DENND1A: variants seen among roughly 807,000 people sequenced by gnomAD.
DENND1A encodes DENN domain containing 1A, also known as DENN domain-containing protein 1A.
A neutral mutation model predicts 113.7 loss-of-function variants in DENND1A; 51 were observed. The observed-to-expected ratio is 0.45, with a 90% CI of 0.36 to 0.57. DENND1A has a LOEUF of 0.57. Among genes scored for constraint, DENND1A ranks in the 20% least tolerant of loss-of-function variants. The pLI, the probability that DENND1A is intolerant of heterozygous loss-of-function variation, is 0.00. For missense variants in DENND1A, 1,258 were observed against 1,395.9 expected, an observed-to-expected ratio of 0.90 and a Z score of 1.57; for synonymous variants, 565 against 570.8, an observed-to-expected ratio of 0.99 and a Z score of 0.14.
intron 15 of DENND1A, among the ~76,000 whole-genome samples, chr9:123,455,434 C>T (rs2048043360): frequency 1.3e-5 from 2 of 152,264 alleles, no homozygotes; most frequent in Admixed American, 1.3e-4. Context: ...AACCAGCATC[C>T]TCGCAGGCCT....
At chr9:123,898,336 A>G (rs1851091376) in intron 1 of DENND1A, among the ~76,000 whole-genome samples, 1 of 151,580 alleles carries the variant, frequency 6.6e-6, no homozygotes, top group East Asian at 1.9e-4. Context: ...TTTATTTTTT[A>G]TTTTATTTTT....
rs2048002935 is a variant in DENND1A at position 123,454,908 on chromosome 9, T to A, written c.1187-129A>T. ...TGTCTCCCAGACTGGAGTGCAGTGG[T>A]GCGATCTCAGCTCCTGGGTTCAAGC... On this transcript the variant is annotated intron_variant, in intron 15 of 23. Coordinates refer to ENST00000394215, the MANE Select transcript of DENND1A (RefSeq NM_001352964.2). The A allele has an allele frequency of 2.0e-5, 16 of 806,078 alleles. No homozygotes were observed. The South Asian group carries it at 2.6e-4, about 13-fold the overall frequency. The allele number at this position is 806,078 out of a possible 1,614,324, so 49.9% of individuals were successfully genotyped here.
At chr9:123,547,972 G>A (rs1258660256) in intron 13 of DENND1A, among the ~76,000 whole-genome samples, 1 of 152,184 alleles carries the variant, frequency 6.6e-6, no homozygotes, top group Non-Finnish European at 1.5e-5. Flanking sequence ...TTTCTCAAGA[G>A]TCCTGCTAGC....
At chr9:123,556,657 G>A (rs534411692) in intron 13 of DENND1A, among the ~76,000 whole-genome samples, 1 of 152,198 alleles carries the variant, frequency 6.6e-6, no homozygotes, top group East Asian at 1.9e-4. Flanking sequence ...ACTAGGCTGG[G>A]TGTGACAGCG....
At chr9:123,482,884 G>A (rs183570915) in intron 13 of DENND1A, among the ~76,000 whole-genome samples, 140 of 152,312 alleles carry the variant, frequency 9.2e-4, no homozygotes, top group Non-Finnish European at 1.5e-3. Context: ...CAGAGGGGGA[G>A]GGGCTCCAAC....
At chr9:123,697,816 C>CT (rs962659415) in intron 5 of DENND1A, among the ~76,000 whole-genome samples, 2 of 152,250 alleles carry the variant, frequency 1.3e-5, no homozygotes, top group African/African-American at 4.8e-5. Context: ...AGCTGCTGTG[C>CT]TTTTTTGTTT....
At chr9:123,804,205 C>T (rs1185245745) in intron 2 of DENND1A, among the ~76,000 whole-genome samples, 1 of 152,232 alleles carries the variant, frequency 6.6e-6, no homozygotes, top group Non-Finnish European at 1.5e-5. Context: ...TGCACAAGCT[C>T]TGTCTTTGCC....
Position 123,586,775 on chromosome 9 carries a change from C to T in DENND1A, c.766-3505G>A, listed in dbSNP as rs372072507. ...TCAAACTGGGGGTGGGGACAGGAAG[C>T]GCGGATGAGAAGAAAGCCAGACCGT... On this transcript the variant is annotated intron_variant, in intron 11 of 23. Coordinates refer to ENST00000394215, the MANE Select transcript of DENND1A (RefSeq NM_001352964.2). Among the ~76,000 whole-genome samples, 40 of 152,208 alleles carry T rather than the reference C, an allele frequency of 2.6e-4. 2 individuals carry two copies. In the East Asian group the frequency reaches 5.4e-3, roughly 21 times the overall value.
At chr9:123,673,169 C>T (rs1589611236) in intron 6 of DENND1A, among the ~76,000 whole-genome samples, 1 of 152,252 alleles carries the variant, frequency 6.6e-6, no homozygotes, top group East Asian at 1.9e-4. Flanking sequence ...GATTAATTCA[C>T]TTGATATCTC....
At chr9:123,634,245 A>G (rs1297564964) in intron 9 of DENND1A, among the ~76,000 whole-genome samples, 1 of 152,238 alleles carries the variant, frequency 6.6e-6, no homozygotes, top group East Asian at 1.9e-4. Flanking sequence ...TCAAGCTTTT[A>G]AGGTGTTTGC....
chr9:123,929,761 GCCGGCGTC>G lies in DENND1A; in HGVS notation c.17+120_17+127del, dbSNP rs1481021627. On this transcript the variant is annotated intron_variant, in intron 1 of 23. Transcript: ENST00000394215. ...ATAGCAACCGTCCCCCTCCCCGCGTGCCGGCGTCACGCGGGGCGCCCCTCTGGTCTCGG... is the reference window on the plus strand; with the variant it reads ...ATAGCAACCGTCCCCCTCCCCGCGTGACGCGGGGCGCCCCTCTGGTCTCGG... 2.4e-5 allele frequency: 4 copies of G among 166,336 alleles called. No individual in the cohort carries two copies. In the East Asian group the frequency reaches 7.3e-4, roughly 30 times the overall value. 10.3% of individuals were successfully genotyped at this position (166,336 alleles called of 1,614,324 possible). A position where few individuals can be genotyped will look rare whatever the true frequency, so the allele number is the denominator to read the frequency against.
intron 2 of DENND1A, 26 bp downstream of exon 2, chr9:123,878,925 A>C (rs200656380): frequency 2.2e-5 from 35 of 1,611,280 alleles, no homozygotes; most frequent in Non-Finnish European, 1.7e-5. Flanking sequence ...GTAACACACC[A>C]TATCATAATC....
chr9:123,766,864 T>C (rs1828908300), intron 4 of DENND1A, among the ~76,000 whole-genome samples: 1 of 152,240 alleles, frequency 6.6e-6, no homozygotes, highest in South Asian at 2.1e-4. Flanking sequence ...AAGATGTCAA[T>C]GTTAACGGGT....
At chr9:123,786,664 G>C (rs541453794) in intron 3 of DENND1A, among the ~76,000 whole-genome samples, 3 of 152,142 alleles carry the variant, frequency 2.0e-5, no homozygotes, top group African/African-American at 7.2e-5. Flanking sequence ...GATGAAAAAA[G>C]AATCAGAACA....
intron 6 of DENND1A, among the ~76,000 whole-genome samples, chr9:123,674,342 TCACACACACACACACA>T (rs546398875): frequency 0.013 from 1,761 of 132,382 alleles, 23 homozygotes; most frequent in South Asian, 0.038. Flanking sequence ...TGTCTCTCTC[TCACACACACACACACA>T]CACACACACA....
chr9:123,521,464 G>A (rs894859489), intron 13 of DENND1A, among the ~76,000 whole-genome samples: 2 of 152,164 alleles, frequency 1.3e-5, no homozygotes, highest in Non-Finnish European at 2.9e-5. Flanking sequence ...TAAAAAATAA[G>A]ATTAAGTGAG....
At chr9:123,765,508 T>C (rs1303707505) in intron 4 of DENND1A, among the ~76,000 whole-genome samples, 1 of 152,234 alleles carries the variant, frequency 6.6e-6, no homozygotes, top group African/African-American at 2.4e-5. Context: ...CCTCTGGCCC[T>C]GAAAAGATTA....
intron 5 of DENND1A, among the ~76,000 whole-genome samples, chr9:123,755,833 T>TA (rs1366954328): frequency 6.6e-6 from 1 of 152,280 alleles, no homozygotes; most frequent in African/African-American, 2.4e-5. Flanking sequence ...AAATATGTGT[T>TA]AGTCAACTGT....
At chr9:123,390,281 A>T (rs142710392) in intron 21 of DENND1A, among the ~76,000 whole-genome samples, 1 of 151,418 alleles carries the variant, frequency 6.6e-6, no homozygotes, top group Non-Finnish European at 1.5e-5. Context: ...TGCTGGGGGA[A>T]CCCCCACTTT....
Sources: gnomAD v4.1 joint callset for allele counts (sites outside exome capture counted in the v4.1 genomes callset) on GRCh38, gnomAD v4.1.1 for gene constraint, MANE v1.5 for transcripts, NCBI Gene and HGNC (gene_info 2026-07-23, HGNC 2026-07-21) for gene names.